The following XYLT2 variants were observed in gnomAD, a reference collection of about 807,000 sequenced individuals.
The protein encoded by XYLT2 is UDP-D-xylose:proteoglycan core protein beta-D-xylosyltransferase.
XYLT2 carries 37 observed loss-of-function variants against 82.6 expected under a neutral mutation model. The ratio of observed to expected loss-of-function variants is 0.45; its 90% CI spans 0.34 to 0.59. XYLT2 has a LOEUF of 0.59. Ranked by LOEUF, XYLT2 falls within the 20% of genes least tolerant of loss-of-function variation. XYLT2 has a pLI of 0.01. For missense variants in XYLT2, 934 were observed against 1,181.3 expected, an observed-to-expected ratio of 0.79 and a Z score of 3.07; for synonymous variants, 474 against 499.0, an observed-to-expected ratio of 0.95 and a Z score of 0.67.
Position 50,360,917 on chromosome 17 carries a change from G to A in XYLT2, c.*626G>A. ...TTTGTAGCCAGGGGACCCTAGAAGT[G>A]GGGTGGGGCGGCTCCAGGGCTTTCC... On this transcript the variant is annotated 3_prime_UTR_variant, in exon 11 of 11. Transcript: ENST00000017003. The A allele has an allele frequency of 1.0e-6, 1 of 985,978 alleles. No individual in the cohort carries two copies. The highest frequency in any genetic ancestry group is 1.2e-6 in the Non-Finnish European group (1 of 830,064). 61.1% of individuals were successfully genotyped at this position (985,978 alleles called of 1,614,324 possible).
Position 50,353,664 on chromosome 17 carries a change from C to T in XYLT2, c.170C>T (p.Pro57Leu). The T allele has an allele frequency of 6.4e-7, 1 of 1,567,312 alleles. No individual in the cohort carries two copies. Among genetic ancestry groups the T allele is most frequent in the South Asian group, 1.2e-5 (1 of 85,490 alleles). ...CAGAGGAAGCCACGGCCACTGGACC[C>T]TGGCGAGGGTTCCAAGGACACAGAC... ...GRQRKPRPLD[P>L]GEGSKDTDSS... The change falls in exon 2 of 11, where the codon CCT (proline) becomes CTT (leucine). Residue 57 changes from proline (P) to leucine (L), a missense_variant. By Grantham distance (98) the Pro-to-Leu change is moderately conservative (BLOSUM62 -3). Transcript: ENST00000017003.
rs748968879 is a variant in XYLT2, at chr17:50,357,040, C to T, written c.1746-17C>T. On this transcript the variant is annotated splice_polypyrimidine_tract_variant and intron_variant, in intron 8 of 10. Transcript: ENST00000017003. ...GTGTGCTGATGGCATCTCCCTTTCT[C>T]CCTGCTGGCACCTTAGGTTTGAGCC... 1.3e-6 allele frequency: 2 copies of T among 1,578,732 alleles called. No homozygotes were observed. Among genetic ancestry groups the T allele is most frequent in the Non-Finnish European group, 1.7e-6 (2 of 1,160,384 alleles).
intron 1 of XYLT2, 21 bp from the exon 2 acceptor site, chr17:50,353,609 G>A (rs1260659383): frequency 6.4e-7 from 1 of 1,551,314 alleles, no homozygotes; most frequent in Non-Finnish European, 8.7e-7. Context: ...CCCCAGTGAT[G>A]TGTCTGCATC....
chr17:50,356,167 G>A lies in XYLT2; in HGVS notation c.1388G>A (p.Arg463His), dbSNP rs771049573. Residue 463 changes from arginine (R) to histidine (H), a missense_variant, in exon 7 of 11, where the codon CGC (arginine) becomes CAC (histidine). By Grantham distance (29) the Arg-to-His change is conservative. Coordinates refer to ENST00000017003, the MANE Select transcript of XYLT2 (RefSeq NM_022167.4). Reference protein sequence around the residue: ...DNNLRVTNWNRKLGCKCQYKH... With the variant: ...DNNLRVTNWNHKLGCKCQYKH... ...AACCTGCGGGTCACCAACTGGAACC[G>A]CAAGCTGGGCTGCAAGTGCCAGTAC... The A allele has an allele frequency of 3.1e-6, 5 of 1,614,230 alleles. No individual in the cohort carries two copies. The highest frequency in any genetic ancestry group is 2.2e-5 in the East Asian group (1 of 44,878).
At chr17:50,354,151 C>A (rs755264859) in intron 2 of XYLT2, 29 bp downstream of exon 2, 1 of 1,599,042 alleles carries the variant, frequency 6.3e-7, no homozygotes, top group African/African-American at 1.3e-5. Flanking sequence ...CCAGCCCTTC[C>A]CAGGCGGGGG....
intron 1 of XYLT2, among the ~76,000 whole-genome samples, chr17:50,353,190 TAG>T (rs1435917233): frequency 6.6e-6 from 1 of 152,148 alleles, no homozygotes; most frequent in Non-Finnish European, 1.5e-5. Context: ...ATCTGGAAGT[TAG>T]AGTCTTCTGA....
chr17:50,346,496 G>A lies in XYLT2; in HGVS notation c.135+221G>A. On this transcript the variant is annotated intron_variant, in intron 1 of 10. Transcript: ENST00000017003. This position sits in a 1 kb window ranked among gnomAD's most constrained non-coding sequence, Gnocchi z 5.1. ...GGCAGTGCGTGACCTGGAGACCCGG[G>A]CCCTGGTGGATTGGGAGTCGGGCGG... is the stretch of plus-strand genomic sequence containing the variant. 1.2e-6 allele frequency: 1 copy of A among 842,098 alleles called. No individual in the cohort carries two copies. The highest frequency in any genetic ancestry group is 1.4e-6 in the Non-Finnish European group (1 of 699,104). 52.2% of individuals were successfully genotyped at this position (842,098 alleles called of 1,614,324 possible). A position where few individuals can be genotyped will look rare whatever the true frequency, so the allele number is the denominator to read the frequency against.
chr17:50,352,562 G>C (rs1228080980), intron 1 of XYLT2, among the ~76,000 whole-genome samples: 1 of 152,256 alleles, frequency 6.6e-6, no homozygotes, highest in African/African-American at 2.4e-5. Flanking sequence ...GATTTGGTCA[G>C]GCAGGGCAAG....
chr17:50,358,892 T>C, intron 10 of XYLT2: 1 of 209,278 alleles, frequency 4.8e-6, no homozygotes, highest in Non-Finnish European at 9.7e-6. Context: ...ACAAATCCAC[T>C]CAACCTAGCT....
chr17:50,346,165 A>T lies in XYLT2; in HGVS notation c.25A>T (p.Lys9Ter). The T allele has an allele frequency of 7.8e-7, 1 of 1,282,254 alleles. No homozygotes were observed. Among genetic ancestry groups the T allele is most frequent in the Non-Finnish European group, 1.0e-6 (1 of 989,050 alleles). 79.4% of individuals were successfully genotyped at this position (1,282,254 alleles called of 1,614,324 possible). Residue 9 changes from lysine (K) to a stop codon, truncating the protein, a stop_gained, in exon 1 of 11, where the codon AAG (lysine) becomes TAG (stop). Coordinates refer to ENST00000017003, the MANE Select transcript of XYLT2 (RefSeq NM_022167.4). LOFTEE classifies it high-confidence loss of function. The surrounding 1 kb of genome is among the most constrained non-coding windows in gnomAD (Gnocchi z 5.1). MVASARVQ[K>*]LVRRYKLAIA... ...GATGGTGGCGAGCGCGCGAGTGCAG[A>T]AGCTGGTGCGGCGCTACAAGCTGGC...
Position 50,360,162 on chromosome 17 carries a change from T to C in XYLT2, c.2469T>C (p.Ala823=), listed in dbSNP as rs1912739587. The C allele has an allele frequency of 2.5e-6, 4 of 1,613,914 alleles. No homozygotes were observed. The highest frequency in any genetic ancestry group is 2.7e-5 in the African/African-American group (2 of 74,950). Residue 823 remains alanine, a synonymous_variant, in exon 11 of 11, where the codon GCT becomes GCC. Coordinates refer to ENST00000017003, the MANE Select transcript of XYLT2 (RefSeq NM_022167.4). ...DRELSSFWSV[A]GLCAIGPSPC... The stretch of plus-strand genomic sequence containing the variant: ...AACTGAGCAGCTTCTGGTCCGTGGC[T>C]GGACTGTGTGCCATAGGCCCCTCTC...
rs775129659 is a variant in XYLT2 at position 50,358,424 on chromosome 17, G to A, written c.2159G>A (p.Arg720Gln). 2.5e-5 allele frequency: 40 copies of A among 1,614,014 alleles called. No homozygotes were observed. Among genetic ancestry groups the A allele is most frequent in the Non-Finnish European group, 2.9e-5 (34 of 1,180,046 alleles). ...ACGCAATACAAGCCCCCACTGAGCC[G>A]GCCCCTGCGGCCAGGGCCCTGGACT... is the stretch of plus-strand genomic sequence containing the variant. ...EVTQYKPPLS[R>Q]PLRPGPWTVR... Residue 720 changes from arginine to glutamine, a missense_variant, in exon 10 of 11, where the codon CGG (arginine) becomes CAG (glutamine). Physicochemically the swap from Arg to Gln is conservative, Grantham distance 43 (BLOSUM62 1). Transcript: ENST00000017003.
In XYLT2 at chr17:50,356,746, C is replaced by T; in HGVS notation, c.1718C>T (p.Ala573Val). 1.2e-6 allele frequency: 2 copies of T among 1,605,654 alleles called. No individual in the cohort carries two copies. The highest frequency in any genetic ancestry group is 1.7e-6 in the Non-Finnish European group (2 of 1,179,840). The change falls in exon 8 of 11, where the codon GCA becomes GTA. Residue 573 changes from alanine to valine, a missense_variant. Coordinates refer to ENST00000017003, the MANE Select transcript of XYLT2 (RefSeq NM_022167.4). ...RLSLHHAATA[A>V]PPMGTPLCRF... The stretch of plus-strand genomic sequence containing the variant: ...AGCCTGCACCATGCCGCCACTGCTG[C>T]ACCCCCAATGGGCACCCCACTCTGC...
chr17:50,354,733 C>T (rs762719016), intron 3 of XYLT2, 121 bp from the exon 4 acceptor site: 6 of 1,533,014 alleles, frequency 3.9e-6, no homozygotes, highest in Admixed American at 1.8e-5. Flanking sequence ...CCAGCTCAGC[C>T]GCTTAGGGGC....
chr17:50,358,324 A>G lies in XYLT2; in HGVS notation c.2059A>G (p.Thr687Ala). 6.2e-7 allele frequency: 1 copy of G among 1,614,006 alleles called. No individual in the cohort carries two copies. Among genetic ancestry groups the G allele is most frequent in the Non-Finnish European group, 8.5e-7 (1 of 1,180,032 alleles). The change falls in exon 10 of 11, where the codon ACA (threonine) becomes GCA (alanine). Residue 687 changes from threonine (T) to alanine (A), a missense_variant. Thr to Ala is a moderately conservative substitution (Grantham distance 58, BLOSUM62 0). Transcript: ENST00000017003. ...GGCCCGGGGCCCCAACCTCACAGCC[A>G]CAGTGGTCTGGATCGACCCAACCTA... The part of the protein sequence containing the change: ...RWARGPNLTA[T>A]VVWIDPTYVV...
In XYLT2 at chr17:50,358,322, C is replaced by T. The variant is rs1322311557; in HGVS notation, c.2057C>T (p.Ala686Val). Residue 686 changes from alanine to valine, a missense_variant, in exon 10 of 11, where the codon GCC becomes GTC. Transcript: ENST00000017003. ...TGGGCCCGGGGCCCCAACCTCACAGCCACAGTGGTCTGGATCGACCCAACC... is the reference window on the plus strand; with the variant it reads ...TGGGCCCGGGGCCCCAACCTCACAGTCACAGTGGTCTGGATCGACCCAACC... ...QRWARGPNLTATVVWIDPTYV... is the reference protein window; with the variant it reads ...QRWARGPNLTVTVVWIDPTYV... 6.2e-7 allele frequency: 1 copy of T among 1,614,020 alleles called. No individual in the cohort carries two copies. Among genetic ancestry groups the T allele is most frequent in the East Asian group, 2.2e-5 (1 of 44,882 alleles).
Position 50,361,016 on chromosome 17 carries a change from A to G in XYLT2, c.*725A>G. The G allele has an allele frequency of 2.0e-6, 2 of 985,886 alleles. No homozygotes were observed. The highest frequency in any genetic ancestry group is 9.4e-5 in the South Asian group (2 of 21,282). 61.1% of individuals were successfully genotyped at this position (985,886 alleles called of 1,614,324 possible). On this transcript the variant is annotated 3_prime_UTR_variant, in exon 11 of 11. Transcript: ENST00000017003. ...ACCCATGCAGAGTTTCCAGGTGTGC[A>G]CTGGAAGTGAGGTCACATGAGCAGC... is the stretch of plus-strand genomic sequence containing the variant.
Position 50,360,084 on chromosome 17 carries a change from C to T in XYLT2, c.2391C>T (p.Ala797=), listed in dbSNP as rs141527159. Residue 797 remains alanine (A), a synonymous_variant, in exon 11 of 11, where the codon GCC becomes GCT. Transcript: ENST00000017003. ...AGCCGGAGCTCGCGGAGGAGGCTGCCCAGCGGCACACACAGCTCACAGGCC... is the reference window on the plus strand; with the variant it reads ...AGCCGGAGCTCGCGGAGGAGGCTGCTCAGCGGCACACACAGCTCACAGGCC... The part of the protein sequence containing the change: ...LPQPELAEEA[A]QRHTQLTGPA... The T allele has an allele frequency of 1.3e-3, 2,134 of 1,613,944 alleles. 5 individuals are homozygous for T. Among genetic ancestry groups the T allele is most frequent in the Non-Finnish European group, 1.7e-3 (2,005 of 1,179,970 alleles).
chr17:50,349,766 G>C (rs1912179946), intron 1 of XYLT2, among the ~76,000 whole-genome samples: 1 of 152,094 alleles, frequency 6.6e-6, no homozygotes, highest in African/African-American at 2.4e-5. Context: ...GGGAAGTCCT[G>C]GGGAGGTGAG....
Sources: gnomAD v4.1 joint callset for allele counts (sites outside exome capture counted in the v4.1 genomes callset) on GRCh38, gnomAD v4.1.1 for gene constraint, Gnocchi (gnomAD v3.1) non-coding constraint, MANE v1.5 for transcripts, NCBI Gene and HGNC (gene_info 2026-07-23, HGNC 2026-07-21) for gene names.